The following NUP188 variants were observed in gnomAD, a reference collection of about 807,000 sequenced individuals.
The protein encoded by NUP188 is nucleoporin NUP188.
Under a neutral mutation model 223.0 loss-of-function variants are expected in NUP188, and 97 were observed. The ratio of observed to expected loss-of-function variants is 0.43; its 90% CI spans 0.37 to 0.51. The LOEUF is 0.51. NUP188 is among the 20% of genes least tolerant of loss of function. The pLI, the probability that NUP188 is intolerant of heterozygous loss-of-function variation, is 0.00. For missense variants in NUP188, 1,947 were observed against 2,175.6 expected (o/e 0.89, Z 2.09); for synonymous variants, 869 against 828.0 (o/e 1.05, Z -0.85).
intron 8 of NUP188, among the ~76,000 whole-genome samples, chr9:128,967,519 G>A (rs1007563166): frequency 2.2e-4 from 34 of 151,978 alleles, no homozygotes; most frequent in African/African-American, 8.2e-4. Context: ...GGCTGGGCGC[G>A]GTGGCTCACG....
chr9:128,999,226 A>G lies in NUP188; in HGVS notation c.3570A>G (p.Gly1190=). 6.2e-7 allele frequency: 1 copy of G among 1,614,000 alleles called. No individual in the cohort carries two copies. Among genetic ancestry groups the G allele is most frequent in the Non-Finnish European group, 8.5e-7 (1 of 1,179,928 alleles). Residue 1190 remains glycine (G), a synonymous_variant, in exon 33 of 44, where the codon GGA becomes GGG. Coordinates refer to ENST00000372577, the MANE Select transcript of NUP188 (RefSeq NM_015354.3). ...GACCCTTGACGGAGATCCTGGAGGGAGTGCTGCAGGCCGACCAGCAACTCA... is the reference window on the plus strand; with the variant it reads ...GACCCTTGACGGAGATCCTGGAGGGGGTGCTGCAGGCCGACCAGCAACTCA... ...ILGPLTEILE[G]VLQADQQLME...
At chr9:129,005,243 G>A (rs1447852642) in intron 39 of NUP188, 22 bp downstream of exon 39, 1 of 1,613,588 alleles carries the variant, frequency 6.2e-7, no homozygotes, top group African/African-American at 1.3e-5. Context: ...ATGCCATGAG[G>A]TCCTGGAATA....
In NUP188 at chr9:128,971,023, T is replaced by G. The variant is rs1451350866; in HGVS notation, c.1113+65T>G. On this transcript the variant is annotated intron_variant, in intron 11 of 43. Transcript: ENST00000372577. The stretch of plus-strand genomic sequence containing the variant: ...CGGCAGAAGCATTATAATAATGTAA[T>G]AGTTATAATGGTGGTGTGGATAATG... 3 of 1,250,030 alleles carry G rather than the reference T, an allele frequency of 2.4e-6. No individual in the cohort carries two copies. The African/African-American group carries it at 4.4e-5, about 18-fold the overall frequency. The allele number at this position is 1,250,030 out of a possible 1,614,324, so 77.4% of individuals were successfully genotyped here. A position where few individuals can be genotyped will look rare whatever the true frequency, so the allele number is the denominator to read the frequency against.
chr9:128,988,982 T>A (rs1268339183), intron 24 of NUP188, among the ~76,000 whole-genome samples: 1 of 152,094 alleles, frequency 6.6e-6, no homozygotes, highest in Admixed American at 6.6e-5. Context: ...CTCGAACTCC[T>A]GACCTCAGGT....
In NUP188 at chr9:129,006,825, C is replaced by T. The variant is rs1842821189; in HGVS notation, c.*147C>T. The T allele has an allele frequency of 1.8e-5, 13 of 740,570 alleles. No individual in the cohort carries two copies. Among genetic ancestry groups the T allele is most frequent in the Non-Finnish European group, 2.5e-5 (12 of 475,564 alleles). The allele number at this position is 740,570 out of a possible 1,614,324, so 45.9% of individuals were successfully genotyped here. A position where few individuals can be genotyped will look rare whatever the true frequency, so the allele number is the denominator to read the frequency against. ...GAGTAGCCACGACTCCAGCCACCAC[C>T]CACTGACGTTATTTTTATACTAGAT... On this transcript the variant is annotated 3_prime_UTR_variant, in exon 44 of 44. Coordinates refer to ENST00000372577, the MANE Select transcript of NUP188 (RefSeq NM_015354.3).
At chr9:129,006,159 G>C (rs1052281412) in intron 42 of NUP188, 36 bp downstream of exon 42, 5 of 1,614,028 alleles carry the variant, frequency 3.1e-6, no homozygotes, top group Admixed American at 1.7e-5. Flanking sequence ...AAGGGGCTGG[G>C]GCAGTCATGG....
chr9:128,951,299 T>C (rs1588266531), intron 2 of NUP188, among the ~76,000 whole-genome samples: 2 of 117,228 alleles, frequency 1.7e-5, no homozygotes, highest in South Asian at 2.7e-4. Context: ...AAAGCGAGAC[T>C]CCATCTCAAA....
intron 2 of NUP188, among the ~76,000 whole-genome samples, chr9:128,952,270 G>T (rs1564548716): frequency 6.6e-6 from 1 of 152,026 alleles, no homozygotes; most frequent in African/African-American, 2.4e-5. Context: ...ATGGTGGCGT[G>T]CGCCTGTAGT....
chr9:128,981,723 T>C (rs1258370747), intron 15 of NUP188, among the ~76,000 whole-genome samples: 3 of 152,330 alleles, frequency 2.0e-5, no homozygotes, highest in Non-Finnish European at 4.4e-5. Flanking sequence ...ACTGTTGTTA[T>C]CATCATTTGA....
intron 11 of NUP188, among the ~76,000 whole-genome samples, chr9:128,972,292 A>G (rs369812586): frequency 6.6e-6 from 1 of 152,250 alleles, no homozygotes; most frequent in Non-Finnish European, 1.5e-5. Flanking sequence ...CCATGAAAAG[A>G]CATGGAGAAG....
chr9:128,952,021 A>G (rs959444963), intron 2 of NUP188, among the ~76,000 whole-genome samples: 2 of 152,058 alleles, frequency 1.3e-5, no homozygotes, highest in African/African-American at 4.8e-5. Flanking sequence ...TCCAACTCCC[A>G]ACCCTAGGGG....
intron 7 of NUP188, 59 bp from the exon 8 acceptor site, chr9:128,958,956 A>G: frequency 2.1e-6 from 3 of 1,405,994 alleles, no homozygotes; most frequent in Non-Finnish European, 2.9e-6. Context: ...TTTTATTAAT[A>G]TTTATTTGAA....
At chr9:129,001,222 T>C (rs1386919678) in intron 34 of NUP188, among the ~76,000 whole-genome samples, 4 of 148,674 alleles carry the variant, frequency 2.7e-5, no homozygotes, top group Non-Finnish European at 3.0e-5. Flanking sequence ...TTGGTTGGAG[T>C]GTCCAACATG....
intron 8 of NUP188, among the ~76,000 whole-genome samples, chr9:128,962,188 A>G (rs964580728): frequency 6.6e-6 from 1 of 150,446 alleles, no homozygotes; most frequent in Non-Finnish European, 1.5e-5. Context: ...GCCTACCTCA[A>G]CCCATCAAAG....
intron 30 of NUP188, among the ~76,000 whole-genome samples, chr9:128,997,793 T>A (rs1426044593): frequency 6.6e-6 from 1 of 152,174 alleles, no homozygotes; most frequent in Non-Finnish European, 1.5e-5. Flanking sequence ...CGATCTCGGC[T>A]CACTGCAGCC....
intron 30 of NUP188, among the ~76,000 whole-genome samples, chr9:128,996,554 C>A (rs569313141): frequency 1.3e-5 from 2 of 152,252 alleles, no homozygotes; most frequent in Admixed American, 6.5e-5. Flanking sequence ...CCAGACTGCC[C>A]ACATGCTTGG....
chr9:129,001,501 C>A, intron 34 of NUP188, 28 bp from the exon 35 acceptor site: 2 of 1,604,332 alleles, frequency 1.2e-6, no homozygotes, highest in Non-Finnish European at 1.7e-6. Context: ...TCTTCTTCCC[C>A]CTTTTACTCA....
At chr9:128,971,229 A>C (rs1177963586) in intron 11 of NUP188, among the ~76,000 whole-genome samples, 1 of 152,196 alleles carries the variant, frequency 6.6e-6, no homozygotes, top group African/African-American at 2.4e-5. Context: ...AGCAACAAAA[A>C]TGCCAGTAAA....
intron 3 of NUP188, among the ~76,000 whole-genome samples, chr9:128,954,193 TCTC>T (rs1485545289): frequency 3.3e-5 from 5 of 151,902 alleles, no homozygotes; most frequent in African/African-American, 4.8e-5. Flanking sequence ...GTGCCTGTAG[TCTC>T]CTCTTAGCTG....
Sources: gnomAD v4.1 joint callset for allele counts (sites outside exome capture counted in the v4.1 genomes callset) on GRCh38, gnomAD v4.1.1 for gene constraint, MANE v1.5 for transcripts, NCBI Gene and HGNC (gene_info 2026-07-23, HGNC 2026-07-21) for gene names.